Variants in IQCM observed in about 807,000 individuals in gnomAD.
IQCM encodes IQ motif containing M, also known as IQ domain-containing protein M.
Under a neutral mutation model 57.6 loss-of-function variants are expected in IQCM, and 45 were observed. The observed-to-expected ratio is 0.78, with a 90% CI of 0.62 to 1.00. The LOEUF (loss-of-function observed/expected upper bound fraction) is 1.00, where lower values mean the gene tolerates loss of function less well. Ranked by LOEUF, IQCM falls within the 50% of genes least tolerant of loss-of-function variation. IQCM has a pLI of 0.00. For missense variants in IQCM, 468 were observed against 511.6 expected, an observed-to-expected ratio of 0.91 and a Z score of 0.82; for synonymous variants, 148 against 158.9, an observed-to-expected ratio of 0.93 and a Z score of 0.51.
intron 12 of IQCM, among the ~76,000 whole-genome samples, chr4:149,451,455 A>G (rs1404818012): frequency 1.3e-5 from 2 of 151,732 alleles, no homozygotes; most frequent in Non-Finnish European, 2.9e-5. Context: ...CTCCATCAAT[A>G]TATGCACCTA....
chr4:149,652,307 G>A (rs1240135577), intron 7 of IQCM, among the ~76,000 whole-genome samples: 1 of 152,026 alleles, frequency 6.6e-6, no homozygotes, highest in Non-Finnish European at 1.5e-5. Flanking sequence ...GGGGTGGAGG[G>A]AAGGGGAGGG....
chr4:149,586,745 T>A (rs1194755644), intron 9 of IQCM, among the ~76,000 whole-genome samples: 1 of 151,746 alleles, frequency 6.6e-6, no homozygotes, highest in Non-Finnish European at 1.5e-5. Context: ...ATGTAGAATT[T>A]TCATTTGATT....
intron 2 of IQCM, among the ~76,000 whole-genome samples, chr4:149,763,760 C>T (rs1232250992): frequency 6.6e-6 from 1 of 151,996 alleles, no homozygotes; most frequent in Non-Finnish European, 1.5e-5. Context: ...AAAACTCAAG[C>T]TCTTAATCTT....
chr4:149,736,315 T>C (rs1356226613), intron 3 of IQCM, among the ~76,000 whole-genome samples: 2 of 152,180 alleles, frequency 1.3e-5, no homozygotes, highest in Non-Finnish European at 1.5e-5. Flanking sequence ...TACATCATTC[T>C]CATTCAGCCT....
At chr4:149,725,349 T>C (rs1338797881) in intron 5 of IQCM, among the ~76,000 whole-genome samples, 1 of 152,208 alleles carries the variant, frequency 6.6e-6, no homozygotes, top group Non-Finnish European at 1.5e-5. Context: ...TCTTAGATCA[T>C]GCTTCCATTC....
chr4:149,707,021 G>A (rs531799243), intron 5 of IQCM, among the ~76,000 whole-genome samples: 1 of 152,142 alleles, frequency 6.6e-6, no homozygotes, highest in East Asian at 1.9e-4. Flanking sequence ...TAGGAACACA[G>A]TAGACTGACA....
intron 2 of IQCM, chr4:149,790,182 G>T: frequency 2.2e-6 from 1 of 444,910 alleles, no homozygotes; most frequent in Non-Finnish European, 4.1e-6. Context: ...GAGAAAGTTT[G>T]GGAAGAACAT....
intron 12 of IQCM, among the ~76,000 whole-genome samples, chr4:149,469,711 G>T (rs936824986): frequency 6.6e-6 from 1 of 152,082 alleles, no homozygotes; most frequent in African/African-American, 2.4e-5. Context: ...AAATGTTAAG[G>T]GCAGCCAGAG....
intron 5 of IQCM, among the ~76,000 whole-genome samples, chr4:149,718,617 T>C (rs1404220426): frequency 6.6e-6 from 1 of 152,242 alleles, no homozygotes; most frequent in Non-Finnish European, 1.5e-5. Context: ...GCTTGTGACT[T>C]AAAACGACGA....
intron 8 of IQCM, among the ~76,000 whole-genome samples, chr4:149,598,422 C>A (rs1156700200): frequency 6.6e-6 from 1 of 151,746 alleles, no homozygotes; most frequent in Non-Finnish European, 1.5e-5. Flanking sequence ...AATATAAATG[C>A]CAAGCTAGCA....
At chr4:149,700,327 T>C (rs769230480) in intron 5 of IQCM, among the ~76,000 whole-genome samples, 2 of 152,010 alleles carry the variant, frequency 1.3e-5, no homozygotes, top group African/African-American at 2.4e-5. Context: ...CCCCTTGTAA[T>C]TGTTCTCCAA....
At chr4:149,567,046 G>T (rs550684662) in intron 9 of IQCM, among the ~76,000 whole-genome samples, 7 of 152,150 alleles carry the variant, frequency 4.6e-5, no homozygotes, top group African/African-American at 7.2e-5. Flanking sequence ...ACTGATTTTT[G>T]ATTACAGTTT....
intron 8 of IQCM, among the ~76,000 whole-genome samples, chr4:149,615,143 TC>T (rs1755674318): frequency 6.6e-6 from 1 of 151,344 alleles, no homozygotes. Flanking sequence ...TGTTTTTTTT[TC>T]AGCTATGACT....
intron 7 of IQCM, among the ~76,000 whole-genome samples, chr4:149,624,304 G>A (rs2150079612): frequency 6.6e-6 from 1 of 152,198 alleles, no homozygotes; most frequent in East Asian, 1.9e-4. Flanking sequence ...AAAATCCTAA[G>A]AAATGGGCTT....
intron 7 of IQCM, among the ~76,000 whole-genome samples, chr4:149,648,517 C>T (rs1427235251): frequency 6.6e-6 from 1 of 152,164 alleles, no homozygotes; most frequent in African/African-American, 2.4e-5. Context: ...GTGCATGTGT[C>T]TTTATAGCAG....
At chr4:149,440,147 T>TA (rs1735789109) in intron 12 of IQCM, among the ~76,000 whole-genome samples, 1 of 144,144 alleles carries the variant, frequency 6.9e-6, no homozygotes, top group Non-Finnish European at 1.5e-5. Context: ...TTTTTTTTTT[T>TA]AGTAGAGACG....
chr4:149,679,895 A>G (rs571690442), intron 7 of IQCM, among the ~76,000 whole-genome samples: 46 of 151,534 alleles, frequency 3.0e-4, no homozygotes, highest in Admixed American at 2.5e-3. Context: ...GAACAAAAAA[A>G]TTAACAACCA....
intron 13 of IQCM, among the ~76,000 whole-genome samples, chr4:149,356,920 T>G (rs1029212621): frequency 2.0e-5 from 3 of 152,212 alleles, no homozygotes; most frequent in Non-Finnish European, 2.9e-5. Flanking sequence ...TTTTATTTCA[T>G]TGAGCCATGG....
At chr4:149,422,416 G>T (rs1456938517) in intron 13 of IQCM, among the ~76,000 whole-genome samples, 2 of 151,802 alleles carry the variant, frequency 1.3e-5, no homozygotes, top group Non-Finnish European at 2.9e-5. Flanking sequence ...AGCAATAGGG[G>T]GAGCGGGCAG....
Sources: allele counts gnomAD v4.1 joint callset (sites outside exome capture counted in the v4.1 genomes callset), GRCh38; gene constraint gnomAD v4.1.1; transcripts MANE v1.5; gene names NCBI Gene and HGNC (gene_info 2026-07-23, HGNC 2026-07-21).